The following ARHGAP32 variants were observed in gnomAD, a reference collection of about 807,000 sequenced individuals.
ARHGAP32 encodes the protein Rho GTPase activating protein 32.
Under a neutral mutation model 186.5 loss-of-function variants are expected in ARHGAP32, and 51 were observed. The ratio of observed to expected loss-of-function variants is 0.27; its 90% CI spans 0.22 to 0.35. The LOEUF (loss-of-function observed/expected upper bound fraction) is 0.35. Among genes scored for constraint, ARHGAP32 ranks in the 10% least tolerant of loss-of-function variants. The probability of loss-of-function intolerance (pLI) is 1.00; values close to 1 mark genes in which losing one functional copy is unlikely to be tolerated. For missense variants in ARHGAP32, 2,186 were observed against 2,623.5 expected (o/e 0.83, Z 3.64); for synonymous variants, 950 against 964.3 (o/e 0.99, Z 0.27).
intron 5 of ARHGAP32, among the ~76,000 whole-genome samples, chr11:129,102,842 A>G (rs1284615575): frequency 6.6e-6 from 1 of 152,176 alleles, no homozygotes; most frequent in Non-Finnish European, 1.5e-5. Context: ...ACCTAGAAGA[A>G]TTACTATATG....
chr11:128,975,273 T>C (rs1945509105), intron 20 of ARHGAP32, among the ~76,000 whole-genome samples: 1 of 152,194 alleles, frequency 6.6e-6, no homozygotes, highest in African/African-American at 2.4e-5. Context: ...CTCAGAATGC[T>C]TGGATTCTAT....
At chr11:129,227,320 C>CA (rs571461906) in intron 1 of ARHGAP32, among the ~76,000 whole-genome samples, 3 of 151,272 alleles carry the variant, frequency 2.0e-5, no homozygotes, top group African/African-American at 7.3e-5. Flanking sequence ...AAATATCTAA[C>CA]AAAAAAGAAT....
At chr11:129,086,791 A>C (rs1000842302) in intron 6 of ARHGAP32, among the ~76,000 whole-genome samples, 3 of 149,012 alleles carry the variant, frequency 2.0e-5, no homozygotes, top group East Asian at 2.0e-4. Context: ...ACTGCACTCC[A>C]GCCTGGGCGA....
intron 12 of ARHGAP32, among the ~76,000 whole-genome samples, chr11:128,991,365 G>C (rs772746517): frequency 1.5e-4 from 23 of 151,988 alleles, no homozygotes; most frequent in Non-Finnish European, 3.1e-4. Context: ...AAACAAATGA[G>C]TCATTTAATA....
At chr11:129,119,990 A>G (rs1298795207) in intron 5 of ARHGAP32, among the ~76,000 whole-genome samples, 1 of 152,130 alleles carries the variant, frequency 6.6e-6, no homozygotes, top group Non-Finnish European at 1.5e-5. Flanking sequence ...TACTCTGAAT[A>G]AGATGAAAAC....
At chr11:129,168,431 C>T (rs1017798391) in intron 1 of ARHGAP32, among the ~76,000 whole-genome samples, 4 of 152,018 alleles carry the variant, frequency 2.6e-5, no homozygotes, top group African/African-American at 4.8e-5. Context: ...TAAAGGGAGA[C>T]GTTTCATAAA....
chr11:129,088,001 G>A (rs1199712762), intron 6 of ARHGAP32, among the ~76,000 whole-genome samples: 3 of 152,120 alleles, frequency 2.0e-5, no homozygotes, highest in African/African-American at 2.4e-5. Flanking sequence ...AAATGCCTTC[G>A]GGAGCTTCAA....
At chr11:129,208,400 C>T (rs1434094219) in intron 1 of ARHGAP32, among the ~76,000 whole-genome samples, 5 of 152,068 alleles carry the variant, frequency 3.3e-5, no homozygotes, top group African/African-American at 1.2e-4. Flanking sequence ...CATGTTAGTT[C>T]CAAGTAATGT....
rs750666299 is a variant in ARHGAP32 at position 128,980,660 on chromosome 11, A to G, written c.1869T>C (p.Ala623=). ...CCGTCACAATTGGAGAATTGACCTG[A>G]GCTTGTGTTCGTGCCTGGGCCTCTT... The part of the protein sequence containing the change: ...TLEEAQARTQ[A]QVNSPIVTEN... Residue 623 remains alanine, a synonymous_variant, in exon 18 of 23, where the codon GCT becomes GCC. Transcript: ENST00000682385. 1 of 1,614,000 alleles carries G rather than the reference A, an allele frequency of 6.2e-7. No homozygotes were observed. Among genetic ancestry groups the G allele is most frequent in the South Asian group, 1.1e-5 (1 of 91,058 alleles).
At chr11:129,046,906 T>C (rs1434228175) in intron 10 of ARHGAP32, among the ~76,000 whole-genome samples, 1 of 151,884 alleles carries the variant, frequency 6.6e-6, no homozygotes, top group Non-Finnish European at 1.5e-5. Context: ...GGGCGGATCA[T>C]GAGGTCAGGA....
intron 5 of ARHGAP32, among the ~76,000 whole-genome samples, chr11:129,098,921 T>C (rs1173126869): frequency 6.6e-6 from 1 of 152,162 alleles, no homozygotes; most frequent in Non-Finnish European, 1.5e-5. Flanking sequence ...AACTTTAGAA[T>C]GTTAAATGTA....
intron 11 of ARHGAP32, among the ~76,000 whole-genome samples, chr11:129,039,698 T>C (rs1275372409): frequency 6.6e-6 from 1 of 152,240 alleles, no homozygotes; most frequent in African/African-American, 2.4e-5. Flanking sequence ...AATTGCACGA[T>C]ATGCGAATTT....
rs1344823909 is a variant in ARHGAP32, at chr11:129,206,517, A to AT, written c.-4-42091dup. Among the ~76,000 whole-genome samples, 10 of 151,920 alleles carry AT rather than the reference A, an allele frequency of 6.6e-5. No individual in the cohort carries two copies. In the East Asian group the frequency reaches 1.5e-3, roughly 23 times the overall value. ...CGAGGGCTGCCACACCCAGCCATTG[A>AT]TTTTTTCTTTTTTTAAATAGCTCAT... On this transcript the variant is annotated intron_variant, in intron 1 of 6. Coordinates refer to the ARHGAP32 transcript ENST00000525234.
intron 11 of ARHGAP32, among the ~76,000 whole-genome samples, chr11:129,015,661 T>C (rs1330196054): frequency 6.6e-6 from 1 of 152,214 alleles, no homozygotes; most frequent in Admixed American, 6.5e-5. Context: ...TGCATGTTTT[T>C]CAAATTCAGA....
chr11:129,088,162 A>T (rs964094142), intron 6 of ARHGAP32, among the ~76,000 whole-genome samples: 2 of 152,232 alleles, frequency 1.3e-5, no homozygotes, highest in African/African-American at 4.8e-5. Context: ...TCTAACACAT[A>T]ATTTGCAAAT....
intron 1 of ARHGAP32, among the ~76,000 whole-genome samples, chr11:129,187,634 C>T (rs7949641): frequency 8.3e-4 from 126 of 152,140 alleles, no homozygotes; most frequent in African/African-American, 2.9e-3. Flanking sequence ...CATTGTGTGC[C>T]TATATCAAAA....
chr11:129,087,387 C>T lies in ARHGAP32; in HGVS notation c.531+6234G>A, dbSNP rs148642205. On this transcript the variant is annotated intron_variant, in intron 6 of 22. Coordinates refer to ENST00000682385, the MANE Select transcript of ARHGAP32 (RefSeq NM_001378024.1). Reference sequence around the variant, plus strand: ...ATGAATACATAAAATGTGGTATAACCAGACAACGAATATTTTTCAGTGCTA... The same window carrying T: ...ATGAATACATAAAATGTGGTATAACTAGACAACGAATATTTTTCAGTGCTA... Among the ~76,000 whole-genome samples the T allele has an allele frequency of 3.0e-4, 45 of 152,280 alleles. 1 individual carries two copies. In the East Asian group the frequency reaches 7.1e-3, roughly 24 times the overall value.
rs1356398009 is a variant in ARHGAP32 at position 128,972,808 on chromosome 11, G to C, written c.3698C>G (p.Ala1233Gly). Residue 1233 changes from alanine to glycine, a missense_variant, in exon 22 of 23, where the codon GCA (alanine) becomes GGA (glycine). By Grantham distance (60) the Ala-to-Gly change is moderately conservative. Coordinates refer to ENST00000682385, the MANE Select transcript of ARHGAP32 (RefSeq NM_001378024.1). ...AGGGTGATGGAGTTTATCCACACTT[G>C]CACCAAGATAAGAAGGAGGCTGATC... is the stretch of plus-strand genomic sequence containing the variant. ...SGDQPPSYLG[A>G]SVDKLHHPLE... The C allele has an allele frequency of 2.5e-6, 4 of 1,613,962 alleles. No individual in the cohort carries two copies. The highest frequency in any genetic ancestry group is 3.4e-6 in the Non-Finnish European group (4 of 1,180,006).
intron 2 of ARHGAP32, among the ~76,000 whole-genome samples, chr11:129,129,051 G>A (rs1337220018): frequency 2.0e-5 from 3 of 152,110 alleles, no homozygotes; most frequent in South Asian, 2.1e-4. Context: ...CCCATCGTCT[G>A]GGATGTGGGG....
Sources: allele counts gnomAD v4.1 joint callset (sites outside exome capture counted in the v4.1 genomes callset), GRCh38; gene constraint gnomAD v4.1.1; transcripts MANE v1.5; gene names NCBI Gene and HGNC (gene_info 2026-07-23, HGNC 2026-07-21).